FAS: variants seen among roughly 807,000 people sequenced by gnomAD.
FAS encodes the protein Fas cell surface death receptor.
A neutral mutation model predicts 33.2 loss-of-function variants in FAS; 5 were observed. The ratio of observed to expected loss-of-function variants is 0.15; its 90% CI spans 0.08 to 0.32. The LOEUF is 0.32. Ranked by LOEUF, FAS falls within the 10% of genes least tolerant of loss-of-function variation. The pLI is 1.00. For missense variants in FAS, 339 were observed against 386.0 expected (o/e 0.88, Z 1.02); for synonymous variants, 131 against 130.7 (o/e 1.00, Z -0.01).
intron 1 of FAS, among the ~76,000 whole-genome samples, chr10:88,996,744 T>C (rs1292425947): frequency 3.3e-5 from 5 of 152,160 alleles, no homozygotes; most frequent in African/African-American, 1.2e-4. Flanking sequence ...TTATATACCA[T>C]AAATATATAT....
At chr10:88,972,842 C>G (rs1315766337) in intron 1 of FAS, among the ~76,000 whole-genome samples, 1 of 152,110 alleles carries the variant, frequency 6.6e-6, no homozygotes, top group Non-Finnish European at 1.5e-5. Context: ...ATCTTTTAAT[C>G]TGTTTCTGAT....
chr10:89,007,594 C>G, intron 2 of FAS, 106 bp from the exon 3 acceptor site: 1 of 1,426,592 alleles, frequency 7.0e-7, no homozygotes, highest in Non-Finnish European at 9.6e-7. Context: ...ACCCCCCCTC[C>G]CCTTGTGTTT....
intron 2 of FAS, among the ~76,000 whole-genome samples, chr10:88,978,547 A>G (rs1375400452): frequency 6.6e-6 from 1 of 152,162 alleles, no homozygotes; most frequent in Non-Finnish European, 1.5e-5. Context: ...ACCTGTTGGA[A>G]AGTGGTAAGA....
At chr10:88,979,037 T>C (rs1846643750) in intron 2 of FAS, among the ~76,000 whole-genome samples, 1 of 152,092 alleles carries the variant, frequency 6.6e-6, no homozygotes, top group Admixed American at 6.6e-5. Flanking sequence ...AATATTTGTT[T>C]TATAAATCAG....
At chr10:89,006,468 A>G (rs1178845158) in intron 2 of FAS, among the ~76,000 whole-genome samples, 1 of 152,244 alleles carries the variant, frequency 6.6e-6, no homozygotes, top group African/African-American at 2.4e-5. Flanking sequence ...TTCCTAGGAA[A>G]CACAGCAGAA....
rs1461151572 is a variant in FAS at position 89,014,732 on chromosome 10, C to T, written c.*282C>T. 3.3e-6 allele frequency: 2 copies of T among 604,192 alleles called. No individual in the cohort carries two copies. The highest frequency in any genetic ancestry group is 1.5e-5 in the South Asian group (1 of 65,828). The allele number at this position is 604,192 out of a possible 1,614,324, so 37.4% of individuals were successfully genotyped here. On this transcript the variant is annotated 3_prime_UTR_variant, in exon 9 of 9. Coordinates refer to ENST00000652046, the MANE Select transcript of FAS (RefSeq NM_000043.6). The stretch of plus-strand genomic sequence containing the variant: ...GAGGATGAAAGATTAAGATTATGCT[C>T]TGGCATCTAACATATGATTCTGTAG...
chr10:89,005,206 A>G (rs1848156683), intron 2 of FAS, among the ~76,000 whole-genome samples: 1 of 151,934 alleles, frequency 6.6e-6, no homozygotes, highest in Non-Finnish European at 1.5e-5. Context: ...AGGGAGGAGA[A>G]AAAAAGAAAG....
In FAS at chr10:89,017,002, ACAAGGC is replaced by A. The variant is rs1848830062; in HGVS notation, c.*2555_*2560del. On this transcript the variant is annotated 3_prime_UTR_variant, in exon 9 of 9. Transcript: ENST00000652046. Reference sequence around the variant, plus strand: ...AATTTGTTTGGGTTTAGAATTCTATACAAGGCCATTTGTAATTTTCCTCAGCACTTT... The same window carrying A: ...AATTTGTTTGGGTTTAGAATTCTATACATTTGTAATTTTCCTCAGCACTTT... 2 of 181,484 alleles carry A rather than the reference ACAAGGC, an allele frequency of 1.1e-5. No individual in the cohort carries two copies. Among genetic ancestry groups the A allele is most frequent in the South Asian group, 3.9e-4 (2 of 5,066 alleles). 11.2% of individuals were successfully genotyped at this position (181,484 alleles called of 1,614,324 possible).
At chr10:89,012,615 AT>A (rs1431789134) in intron 7 of FAS, 8 of 158,762 alleles carry the variant, frequency 5.0e-5, no homozygotes, top group African/African-American at 1.9e-4. Flanking sequence ...AAAGGAGGGA[AT>A]TGAGAGTGTG....
At chr10:88,999,960 A>G (rs1471037241) in intron 1 of FAS, among the ~76,000 whole-genome samples, 1 of 152,210 alleles carries the variant, frequency 6.6e-6, no homozygotes, top group African/African-American at 2.4e-5. Context: ...TGTATAACTG[A>G]GCTTTCAATT....
At chr10:89,001,047 G>A (rs547905029) in intron 1 of FAS, among the ~76,000 whole-genome samples, 109 of 152,212 alleles carry the variant, frequency 7.2e-4, no homozygotes, top group Non-Finnish European at 9.9e-4. Flanking sequence ...GCAAGACTCC[G>A]TCTAAAACAA....
chr10:88,990,382 C>T, upstream of FAS: 1 of 425,650 alleles, frequency 2.3e-6, no homozygotes, highest in Non-Finnish European at 4.5e-6. This position sits in a 1 kb window ranked among gnomAD's most constrained non-coding sequence, Gnocchi z 4.9. Context: ...GGTTGAACTA[C>T]AGCAGAAGCC....
At chr10:88,989,809 G>A (rs561478894), upstream of FAS, among the ~76,000 whole-genome samples, 6 of 152,284 alleles carry the variant, frequency 3.9e-5, no homozygotes, top group South Asian at 1.2e-3. Flanking sequence ...GGTGGACGAT[G>A]CCAAAGGAAT....
At chr10:88,998,363 T>G (rs573323510) in intron 1 of FAS, among the ~76,000 whole-genome samples, 2,171 of 126,326 alleles carry the variant, frequency 0.017, 49 homozygotes, top group African/African-American at 0.061. Context: ...AAAAAAAAAA[T>G]CAAAACAAAA....
upstream of FAS, among the ~76,000 whole-genome samples, chr10:88,983,852 A>G (rs1217559043): frequency 6.6e-6 from 1 of 152,212 alleles, no homozygotes; most frequent in East Asian, 1.9e-4. Flanking sequence ...GGGATTTCAA[A>G]GCCAGGTGGA....
In FAS at chr10:88,990,820, AC is replaced by A. The variant is rs9658678; in HGVS notation, c.-54del. On this transcript the variant is annotated 5_prime_UTR_variant, in exon 1 of 9. Coordinates refer to ENST00000652046, the MANE Select transcript of FAS (RefSeq NM_000043.6). This position sits in a 1 kb window ranked among gnomAD's most constrained non-coding sequence, Gnocchi z 4.9. ...TGCCTCTTCTCCCGCGGGTTGGTGGACCCGCTCAGTACGGAGTTGGGGAAGC... is the reference window on the plus strand; with the variant it reads ...TGCCTCTTCTCCCGCGGGTTGGTGGACCGCTCAGTACGGAGTTGGGGAAGC... 4.9e-4 allele frequency: 798 copies of A among 1,613,464 alleles called. 4 individuals carry two copies. In the African/African-American group the frequency reaches 9.6e-3, roughly 19 times the overall value.
Position 89,015,724 on chromosome 10 carries a change from C to T in FAS, c.*1274C>T. On this transcript the variant is annotated 3_prime_UTR_variant, in exon 9 of 9. Transcript: ENST00000652046. The stretch of plus-strand genomic sequence containing the variant: ...CTTCCATTTATGGAGGATTTTTTTG[C>T]CCCTTGTGTTTGGAATTATAAAATA... 2.0e-6 allele frequency: 1 copy of T among 497,048 alleles called. No individual in the cohort carries two copies. The highest frequency in any genetic ancestry group is 3.9e-6 in the Non-Finnish European group (1 of 259,032). 30.8% of individuals were successfully genotyped at this position (497,048 alleles called of 1,614,324 possible).
chr10:89,016,918 G>C lies in FAS; in HGVS notation c.*2468G>C, dbSNP rs1848827170. 1 of 191,798 alleles carries C rather than the reference G, an allele frequency of 5.2e-6. No homozygotes were observed. The highest frequency in any genetic ancestry group is 1.1e-5 in the Non-Finnish European group (1 of 91,684). 11.9% of individuals were successfully genotyped at this position (191,798 alleles called of 1,614,324 possible). On this transcript the variant is annotated 3_prime_UTR_variant, in exon 9 of 9. Transcript: ENST00000652046. Reference sequence around the variant, plus strand: ...ATCATCAGTTTCTGTACAACTATCTGAATAAGGTATATAATCAATGAAATT... The same window carrying C: ...ATCATCAGTTTCTGTACAACTATCTCAATAAGGTATATAATCAATGAAATT...
chr10:88,978,552 G>A (rs1489155968), intron 2 of FAS, among the ~76,000 whole-genome samples: 2 of 152,290 alleles, frequency 1.3e-5, no homozygotes, highest in East Asian at 3.9e-4. Context: ...TTGGAAAGTG[G>A]TAAGAGAGAG....
Sources: allele counts gnomAD v4.1 joint callset (sites outside exome capture counted in the v4.1 genomes callset), GRCh38; gene constraint gnomAD v4.1.1; non-coding constraint Gnocchi (gnomAD v3.1); transcripts MANE v1.5; gene names NCBI Gene and HGNC (gene_info 2026-07-23, HGNC 2026-07-21).